Variants in PHTF1 observed in about 807,000 individuals in gnomAD.
PHTF1 encodes the protein putative homeodomain transcription factor 1.
A neutral mutation model predicts 102.4 loss-of-function variants in PHTF1; 88 were observed. The ratio of observed to expected loss-of-function variants is 0.86; its 90% CI spans 0.72 to 1.03. The LOEUF is 1.03. Ranked by LOEUF, PHTF1 falls within the 50% of genes least tolerant of loss-of-function variation. PHTF1 has a pLI of 0.00. For missense variants in PHTF1, 814 were observed against 909.5 expected (o/e 0.89, Z 1.35); for synonymous variants, 289 against 305.2 (o/e 0.95, Z 0.55).
At chr1:113,710,810 ATTTTTT>A (rs71590573) in intron 10 of PHTF1, among the ~76,000 whole-genome samples, 2 of 122,712 alleles carry the variant, frequency 1.6e-5, no homozygotes, top group African/African-American at 6.0e-5. Flanking sequence ...ATATATATAT[ATTTTTT>A]TTTTTTTTTT....
At chr1:113,705,750 C>T in intron 13 of PHTF1, 140 bp downstream of exon 13, 1 of 670,538 alleles carries the variant, frequency 1.5e-6, no homozygotes, top group South Asian at 2.1e-5. Flanking sequence ...ACAATAAATC[C>T]ACAAATATCA....
At chr1:113,743,238 T>G (rs115699904) in intron 3 of PHTF1, among the ~76,000 whole-genome samples, 12 of 152,118 alleles carry the variant, frequency 7.9e-5, no homozygotes, top group African/African-American at 1.4e-4. Context: ...TATATCTTCA[T>G]AAGCTTTTTT....
At chr1:113,759,887 A>G (rs1175290376), upstream of PHTF1, among the ~76,000 whole-genome samples, 1 of 152,186 alleles carries the variant, frequency 6.6e-6, no homozygotes, top group East Asian at 1.9e-4. Context: ...TAGGTTCCCA[A>G]TGTTTGTTGA....
chr1:113,732,813 T>G (rs1654864994), intron 5 of PHTF1, among the ~76,000 whole-genome samples: 1 of 152,086 alleles, frequency 6.6e-6, no homozygotes. Flanking sequence ...AATACTTAAT[T>G]TTACCCTTAC....
chr1:113,724,923 T>TTATTCA, intron 6 of PHTF1, 30 bp from the exon 7 acceptor site: 1 of 1,537,948 alleles, frequency 6.5e-7, no homozygotes, highest in Non-Finnish European at 8.9e-7. Flanking sequence ...TAACTTCAGA[T>TTATTCA]TATTCAAGAC....
intron 17 of PHTF1, 166 bp downstream of exon 17, chr1:113,699,538 C>T (rs1649208981): frequency 1.5e-6 from 1 of 664,234 alleles, no homozygotes; most frequent in Non-Finnish European, 2.7e-6. Flanking sequence ...GACCTCAGCT[C>T]TGGTCCTAAC....
At chr1:113,742,841 T>A (rs1456274264) in intron 3 of PHTF1, among the ~76,000 whole-genome samples, 1 of 152,140 alleles carries the variant, frequency 6.6e-6, no homozygotes, top group Non-Finnish European at 1.5e-5. Flanking sequence ...AATAATAACT[T>A]TTTTTTCTCT....
chr1:113,699,524 C>A, intron 17 of PHTF1, 180 bp downstream of exon 17: 1 of 659,646 alleles, frequency 1.5e-6, no homozygotes, highest in South Asian at 1.6e-5. Context: ...TCCAGGAGCT[C>A]TGTGACCTCA....
Position 113,711,853 on chromosome 1 carries a change from A to G in PHTF1, c.958-18T>C. ...TTCTTTACCTGCCAAAAATCAAACC[A>G]ACAAGCAATAGGAAAATATGTTAAA... is the stretch of plus-strand genomic sequence containing the variant. On this transcript the variant is annotated intron_variant, in intron 9 of 18. Transcript: ENST00000369604. 1.2e-6 allele frequency: 2 copies of G among 1,610,042 alleles called. No individual in the cohort carries two copies. Among genetic ancestry groups the G allele is most frequent in the Non-Finnish European group, 1.7e-6 (2 of 1,176,382 alleles).
intron 5 of PHTF1, among the ~76,000 whole-genome samples, chr1:113,733,459 T>C (rs992666799): frequency 1.3e-5 from 2 of 152,150 alleles, no homozygotes; most frequent in Admixed American, 1.3e-4. Context: ...ATGCCCACAA[T>C]ATGGGAAGAT....
At chr1:113,698,483 C>T in intron 17 of PHTF1, 96 bp from the exon 18 acceptor site, 1 of 1,036,966 alleles carries the variant, frequency 9.6e-7, no homozygotes, top group East Asian at 2.5e-5. Flanking sequence ...TAGATGAATG[C>T]TTAAGGCTGT....
At chr1:113,739,982 T>G (rs1348866218) in intron 3 of PHTF1, among the ~76,000 whole-genome samples, 1 of 152,224 alleles carries the variant, frequency 6.6e-6, no homozygotes, top group Non-Finnish European at 1.5e-5. Context: ...ATTCACCTGT[T>G]GATGGACACG....
chr1:113,759,078 G>A lies in PHTF1; in HGVS notation c.-86C>T, dbSNP rs549287176. 1.1e-4 allele frequency: 107 copies of A among 996,240 alleles called. No individual in the cohort carries two copies. The African/African-American group carries it at 1.5e-3, about 14-fold the overall frequency. 61.7% of individuals were successfully genotyped at this position (996,240 alleles called of 1,614,324 possible). On this transcript the variant is annotated 5_prime_UTR_variant, in exon 1 of 19. Coordinates refer to ENST00000369604, the MANE Select transcript of PHTF1 (RefSeq NM_001323043.2). The stretch of plus-strand genomic sequence containing the variant: ...CGGGACCTCCGTCCTCAGTGCCCGG[G>A]GTCCCACCGTGAGGCCGGGGGCGAG...
intron 5 of PHTF1, among the ~76,000 whole-genome samples, chr1:113,729,535 T>C (rs1345604163): frequency 6.6e-6 from 1 of 152,058 alleles, no homozygotes; most frequent in South Asian, 2.1e-4. Flanking sequence ...ACCTACTATA[T>C]ACCCACAAAA....
intron 11 of PHTF1, among the ~76,000 whole-genome samples, chr1:113,707,529 T>G (rs979602343): frequency 2.6e-5 from 4 of 152,216 alleles, no homozygotes; most frequent in Admixed American, 1.3e-4. Context: ...GTCCTCTATT[T>G]GTTTCCTATA....
At position 113,758,231 on chromosome 1, in the gene PHTF1, C is replaced by CAAAAAA. The variant is rs1162537319; in HGVS notation, c.45+422_45+427dup. Among the ~76,000 whole-genome samples, 125 of 58,058 alleles carry CAAAAAA rather than the reference C, an allele frequency of 2.2e-3. 1 individual carries two copies. Among genetic ancestry groups the CAAAAAA allele is most frequent in the East Asian group, 0.01 (18 of 1,768 alleles). The allele number at this position is 58,058 out of a possible 152,430, so 38.1% of individuals were successfully genotyped here. ...GGGCAACAAGAGCGAAACTCCGTCT[C>CAAAAAA]AAAAAAAAAAAAAAAAAAAAAAAAT... is the stretch of plus-strand genomic sequence containing the variant. On this transcript the variant is annotated intron_variant, in intron 2 of 18. Transcript: ENST00000369604.
At chr1:113,714,225 CTCTT>C (rs1268668872) in intron 7 of PHTF1, 1 of 152,272 alleles carries the variant, frequency 6.6e-6, no homozygotes, top group Non-Finnish European at 1.5e-5. Context: ...CAGGGAGAGA[CTCTT>C]TCTGCTTGAG....
At chr1:113,704,920 A>C in intron 13 of PHTF1, 123 bp from the exon 14 acceptor site, 1 of 717,666 alleles carries the variant, frequency 1.4e-6, no homozygotes. Context: ...ATCAGTGTTC[A>C]GTAAGATGGG....
chr1:113,712,277 A>C (rs1457247367), intron 8 of PHTF1, among the ~76,000 whole-genome samples, 164 bp from the exon 9 acceptor site: 4 of 152,266 alleles, frequency 2.6e-5, no homozygotes, highest in Admixed American at 2.0e-4. Context: ...ATTAAGAAAA[A>C]TATTTAGTTG....
Sources: allele counts gnomAD v4.1 joint callset (sites outside exome capture counted in the v4.1 genomes callset), GRCh38; gene constraint gnomAD v4.1.1; transcripts MANE v1.5; gene names NCBI Gene and HGNC (gene_info 2026-07-23, HGNC 2026-07-21).